Variants in SMAP1 observed in about 807,000 individuals in gnomAD.
SMAP1 encodes the protein small ArfGAP 1.
In SMAP1, 24 loss-of-function variants were observed where a neutral mutation model predicts 58.5. That is an observed-to-expected ratio of 0.41 (90% CI 0.30 to 0.58). The LOEUF (loss-of-function observed/expected upper bound fraction) is 0.58. Ranked by LOEUF, SMAP1 falls within the 20% of genes least tolerant of loss-of-function variation. The pLI, the probability that SMAP1 is intolerant of heterozygous loss-of-function variation, is 0.29. For synonymous variants in SMAP1, 216 were observed against 196.6 expected (o/e 1.10, Z -0.82); for missense variants, 563 against 566.3 (o/e 0.99, Z 0.06).
chr6:70,722,107 T>C (rs1322785582), intron 1 of SMAP1, among the ~76,000 whole-genome samples: 2 of 152,206 alleles, frequency 1.3e-5, no homozygotes, highest in Non-Finnish European at 2.9e-5. Flanking sequence ...GACAACAAAT[T>C]TGTCAAGCTC....
chr6:70,675,638 G>A (rs1242539985), intron 1 of SMAP1, among the ~76,000 whole-genome samples: 1 of 147,200 alleles, frequency 6.8e-6, no homozygotes, highest in Non-Finnish European at 1.5e-5. Flanking sequence ...GCAACAGAGC[G>A]AGACTCCATC....
At chr6:70,712,779 T>G (rs941314464) in intron 1 of SMAP1, among the ~76,000 whole-genome samples, 10 of 150,408 alleles carry the variant, frequency 6.6e-5, no homozygotes, top group Non-Finnish European at 1.2e-4. Flanking sequence ...TTTCTTTTCT[T>G]TTTTCTTTTT....
chr6:70,747,290 A>G (rs145237044), intron 2 of SMAP1, among the ~76,000 whole-genome samples: 69 of 152,324 alleles, frequency 4.5e-4, no homozygotes, highest in Non-Finnish European at 8.4e-4. Flanking sequence ...TTGTTTACCA[A>G]TCACTGAACG....
chr6:70,790,833 G>A (rs549122917), intron 4 of SMAP1, among the ~76,000 whole-genome samples: 1 of 152,308 alleles, frequency 6.6e-6, no homozygotes, highest in South Asian at 2.1e-4. Context: ...GGGCAGTATA[G>A]AGATGTCAGT....
At chr6:70,821,734 A>G (rs1051215590) in intron 6 of SMAP1, among the ~76,000 whole-genome samples, 10 of 152,192 alleles carry the variant, frequency 6.6e-5, no homozygotes, top group African/African-American at 2.4e-4. Context: ...TTTGTTAGTT[A>G]AATAACCATT....
chr6:70,848,242 A>T (rs1405611324), intron 7 of SMAP1, among the ~76,000 whole-genome samples: 1 of 152,164 alleles, frequency 6.6e-6, no homozygotes, highest in Non-Finnish European at 1.5e-5. Flanking sequence ...TTGCTCACTG[A>T]TGACCATATC....
chr6:70,816,864 CATTTAAAG>C (rs1769651807), intron 6 of SMAP1, among the ~76,000 whole-genome samples: 1 of 152,032 alleles, frequency 6.6e-6, no homozygotes, highest in Non-Finnish European at 1.5e-5. Flanking sequence ...AACTTTATAG[CATTTAAAG>C]ATTTAAAGAT....
chr6:70,707,239 C>T (rs190275411), intron 1 of SMAP1, among the ~76,000 whole-genome samples: 51 of 152,286 alleles, frequency 3.3e-4, no homozygotes, highest in Admixed American at 2.4e-3. Flanking sequence ...TAAACATCAT[C>T]TCTGAATATA....
intron 1 of SMAP1, among the ~76,000 whole-genome samples, chr6:70,716,192 G>A (rs1406882849): frequency 1.3e-5 from 2 of 152,112 alleles, no homozygotes; most frequent in South Asian, 2.1e-4. Flanking sequence ...TGCATGTATT[G>A]TGCACTTTAT....
chr6:70,798,713 G>T lies in SMAP1; in HGVS notation c.552G>T (p.Pro184=). 1 of 1,557,686 alleles carries T rather than the reference G, an allele frequency of 6.4e-7. No homozygotes were observed. The highest frequency in any genetic ancestry group is 1.2e-5 in the South Asian group (1 of 80,202). ...EKKREKEPEK[P]AKPLTAEKLQ... Reference sequence around the variant, plus strand: ...AGAGAGAAAAGGAGCCAGAAAAGCCGGCAAAACCACTTACAGCTGAAAAGG... The same window carrying T: ...AGAGAGAAAAGGAGCCAGAAAAGCCTGCAAAACCACTTACAGCTGAAAAGG... The change falls in exon 6 of 11, where the codon CCG becomes CCT. Residue 184 remains proline (P), a synonymous_variant. Coordinates refer to ENST00000370455, the MANE Select transcript of SMAP1 (RefSeq NM_001044305.3).
chr6:70,842,666 T>A (rs1197279995), intron 7 of SMAP1, among the ~76,000 whole-genome samples: 2 of 152,158 alleles, frequency 1.3e-5, no homozygotes, highest in East Asian at 3.9e-4. Flanking sequence ...CATAAGGACA[T>A]CTAATTATCT....
intron 1 of SMAP1, among the ~76,000 whole-genome samples, chr6:70,691,642 C>T (rs1767173016): frequency 6.6e-6 from 1 of 152,120 alleles, no homozygotes; most frequent in Non-Finnish European, 1.5e-5. Flanking sequence ...AATCATCATT[C>T]TACTCTCTAT....
intron 6 of SMAP1, among the ~76,000 whole-genome samples, chr6:70,807,723 CT>C (rs1280619028): frequency 6.6e-6 from 1 of 152,042 alleles, no homozygotes; most frequent in East Asian, 1.9e-4. Flanking sequence ...GAAGTTAAGC[CT>C]TTTTAAGATG....
At chr6:70,691,219 C>T (rs900057611) in intron 1 of SMAP1, among the ~76,000 whole-genome samples, 1 of 151,950 alleles carries the variant, frequency 6.6e-6, no homozygotes, top group South Asian at 2.1e-4. Context: ...AGAGATTTAC[C>T]TATTTTATTG....
intron 8 of SMAP1, among the ~76,000 whole-genome samples, chr6:70,853,903 T>A (rs989178937): frequency 2.6e-5 from 4 of 152,226 alleles, no homozygotes; most frequent in African/African-American, 7.2e-5. Context: ...AGTCTAGCAT[T>A]GTAGTGCGGC....
rs186092810 is a variant in SMAP1, at chr6:70,770,624, A to G, written c.339-2726A>G. 2.1e-3 allele frequency among the ~76,000 whole-genome samples: 325 copies of G among 151,902 alleles called. 1 individual carries two copies. The highest frequency in any genetic ancestry group is 2.6e-3 in the Non-Finnish European group (176 of 67,980). ...TGAACTCCTTTAAGCCCTTCTCTATATTGGTTATTCTAGTTCTACATTCGT... is the reference window on the plus strand; with the variant it reads ...TGAACTCCTTTAAGCCCTTCTCTATGTTGGTTATTCTAGTTCTACATTCGT... On this transcript the variant is annotated intron_variant, in intron 3 of 10. Transcript: ENST00000370455.
At position 70,683,165 on chromosome 6, in the gene SMAP1, C is replaced by CT. The variant is rs112629325; in HGVS notation, c.118+15044dup. ...TTTTCTTGATACTCTTAAGATTTAA[C>CT]TTTTTTTTTTTTTTTTTTTTCTTGA... On this transcript the variant is annotated intron_variant, in intron 1 of 10. Transcript: ENST00000370455. Among the ~76,000 whole-genome samples the CT allele has an allele frequency of 7.7e-3, 880 of 114,550 alleles. 12 individuals are homozygous for CT. The highest frequency in any genetic ancestry group is 0.013 in the South Asian group (44 of 3,388). 75.1% of individuals were successfully genotyped at this position (114,550 alleles called of 152,430 possible).
In SMAP1 at chr6:70,798,268, GT is replaced by G. The variant is rs748111672; in HGVS notation, c.496-375del. ...ATAAAGAAGTCTGTTCTATCACTTAGTTTTTTTTTTTTTTCCATTCAAAATT... is the reference window on the plus strand; with the variant it reads ...ATAAAGAAGTCTGTTCTATCACTTAGTTTTTTTTTTTTTCCATTCAAAATT... On this transcript the variant is annotated intron_variant, in intron 5 of 10. Coordinates refer to ENST00000370455, the MANE Select transcript of SMAP1 (RefSeq NM_001044305.3). 5.2e-3 allele frequency among the ~76,000 whole-genome samples: 735 copies of G among 142,302 alleles called. 8 individuals are homozygous for G. Among genetic ancestry groups the G allele is most frequent in the African/African-American group, 0.016 (637 of 39,234 alleles). The allele number at this position is 142,302 out of a possible 152,430, so 93.4% of individuals were successfully genotyped here.
intron 4 of SMAP1, among the ~76,000 whole-genome samples, chr6:70,784,225 T>C (rs1221275130): frequency 1.3e-5 from 2 of 152,028 alleles, no homozygotes; most frequent in South Asian, 2.1e-4. Flanking sequence ...GAAGGAGAAA[T>C]AAAATCCTTT....
Sources: gnomAD v4.1 joint callset for allele counts (sites outside exome capture counted in the v4.1 genomes callset) on GRCh38, gnomAD v4.1.1 for gene constraint, MANE v1.5 for transcripts, NCBI Gene and HGNC (gene_info 2026-07-23, HGNC 2026-07-21) for gene names.